The following SCOC variants were observed in gnomAD, a reference collection of about 807,000 sequenced individuals.
SCOC encodes the protein short coiled coil protein.
In SCOC, 7 loss-of-function variants were observed where a neutral mutation model predicts 9.9. That is an observed-to-expected ratio of 0.71 (90% CI 0.40 to 1.33). The LOEUF (loss-of-function observed/expected upper bound fraction) is 1.33. SCOC is among the 40% of genes most tolerant of loss of function. The pLI, the probability that SCOC is intolerant of heterozygous loss-of-function variation, is 0.01. For missense variants in SCOC, 66 were observed against 89.7 expected (o/e 0.74, Z 1.07); for synonymous variants, 19 against 28.2 (o/e 0.67, Z 1.03).
Position 140,379,587 on chromosome 4 carries a change from A to G in SCOC, c.41A>G (p.Gln14Arg). Residue 14 changes from glutamine (Q) to arginine (R), a missense_variant, in exon 3 of 4, where the codon CAA becomes CGA. Transcript: ENST00000608372. ...ATTACAGCAGTTGATGCTGAAAATC[A>G]AGTGGAACTGGAGGAAAAAACAAGA... ...ADMDAVDAEN[Q>R]VELEEKTRLI... is the part of the protein sequence containing the mutation. 1 of 1,612,322 alleles carries G rather than the reference A, an allele frequency of 6.2e-7. No individual in the cohort carries two copies. Among genetic ancestry groups the G allele is most frequent in the Non-Finnish European group, 8.5e-7 (1 of 1,179,162 alleles).
Position 140,379,159 on chromosome 4 carries a change from T to C in SCOC, c.-12T>C, listed in dbSNP as rs747009774. The C allele has an allele frequency of 6.2e-7, 1 of 1,610,744 alleles. No homozygotes were observed. The highest frequency in any genetic ancestry group is 8.5e-7 in the Non-Finnish European group (1 of 1,177,150). Reference sequence around the variant, plus strand: ...AATTTTGTATCCAAGGCCCAAAAGTTTGTTACCCAAGATGATGAATGCTGA... The same window carrying C: ...AATTTTGTATCCAAGGCCCAAAAGTCTGTTACCCAAGATGATGAATGCTGA... On this transcript the variant is annotated 5_prime_UTR_variant, in exon 2 of 4. Transcript: ENST00000608372.
chr4:140,308,986 A>G (rs1212369549), intron 1 of SCOC, among the ~76,000 whole-genome samples: 1 of 152,150 alleles, frequency 6.6e-6, no homozygotes, highest in African/African-American at 2.4e-5. Context: ...TCTAACTGGG[A>G]GGGCCATGAT....
intron 1 of SCOC, among the ~76,000 whole-genome samples, chr4:140,266,542 C>T (rs1483383047): frequency 6.6e-6 from 1 of 152,108 alleles, no homozygotes; most frequent in South Asian, 2.1e-4. Context: ...CTAATGCCAT[C>T]ACATTGGGGA....
chr4:140,298,517 C>T (rs558443301), intron 1 of SCOC, among the ~76,000 whole-genome samples: 109 of 152,278 alleles, frequency 7.2e-4, no homozygotes, highest in African/African-American at 2.5e-3. Context: ...GTAAGGAGGA[C>T]ATCTGTCATT....
At chr4:140,304,093 G>C (rs883455) in intron 1 of SCOC, among the ~76,000 whole-genome samples, 28,640 of 151,968 alleles carry the variant, frequency 0.19, 4,099 homozygotes, top group African/African-American at 0.38. Context: ...AGTGAAGAGT[G>C]GTGCTTAGGG....
At chr4:140,369,779 C>T (rs1291643976), upstream of SCOC, among the ~76,000 whole-genome samples, 1 of 148,890 alleles carries the variant, frequency 6.7e-6, no homozygotes, top group Non-Finnish European at 1.5e-5. Context: ...CATGAATGTT[C>T]ACCTTATAAT....
In SCOC at chr4:140,280,652, C is replaced by T. The variant is rs1731076893; in HGVS notation, c.-19+23242C>T. Among the ~76,000 whole-genome samples, 4 of 152,294 alleles carry T rather than the reference C, an allele frequency of 2.6e-5. No individual in the cohort carries two copies. The South Asian group carries it at 8.3e-4, about 32-fold the overall frequency. On this transcript the variant is annotated intron_variant, in intron 1 of 4. Coordinates refer to the SCOC transcript ENST00000394205. ...GGTAAGGCAGATGTTTGTCAAATGC[C>T]TGTGTTTTCATGGACTCCTAAAAAG...
chr4:140,373,530 G>C (rs551898787), upstream of SCOC: 1 of 1,551,734 alleles, frequency 6.4e-7, no homozygotes, highest in Non-Finnish European at 8.7e-7. Context: ...GGTGAGGCGG[G>C]CAGCTAATGC....
chr4:140,338,780 C>T (rs1331333005), upstream of SCOC, among the ~76,000 whole-genome samples: 1 of 151,852 alleles, frequency 6.6e-6, no homozygotes, highest in Non-Finnish European at 1.5e-5. Context: ...CTACAAACCA[C>T]TGCTCAATGA....
intron 1 of SCOC, among the ~76,000 whole-genome samples, chr4:140,260,643 A>G (rs1397734081): frequency 6.6e-6 from 1 of 152,198 alleles, no homozygotes; most frequent in African/African-American, 2.4e-5. Context: ...TAGTGTACTC[A>G]AATTTGCTGA....
chr4:140,294,852 T>G (rs11100604), intron 1 of SCOC, among the ~76,000 whole-genome samples: 45,236 of 152,142 alleles, frequency 0.3, 11,125 homozygotes, highest in African/African-American at 0.67. Flanking sequence ...AGTAGCTACT[T>G]GTCCATGCCC....
Position 140,279,782 on chromosome 4 carries a change from T to C in SCOC, c.-19+22372T>C, listed in dbSNP as rs192698347. On this transcript the variant is annotated intron_variant, in intron 1 of 4. Transcript: ENST00000394205. ...CAGTGCTTAAACAAGACAGAACTTA[T>C]ATTTTTTTCTCTCTCTCATTTTTCT... Among the ~76,000 whole-genome samples the C allele has an allele frequency of 3.9e-5, 6 of 152,280 alleles. No individual in the cohort carries two copies. The East Asian group carries it at 1.2e-3, about 29-fold the overall frequency.
intron 1 of SCOC, among the ~76,000 whole-genome samples, chr4:140,267,052 A>C (rs918023042): frequency 9.2e-5 from 14 of 152,174 alleles, no homozygotes; most frequent in Admixed American, 5.2e-4. Flanking sequence ...GAAAAGAGAA[A>C]AGGATAGAAT....
intron 1 of SCOC, among the ~76,000 whole-genome samples, chr4:140,288,291 T>A (rs984091334): frequency 3.3e-5 from 5 of 151,894 alleles, no homozygotes; most frequent in Non-Finnish European, 5.9e-5. Flanking sequence ...ATCATATAAA[T>A]ACATACCTCC....
chr4:140,339,965 G>T (rs1481268209), upstream of SCOC, among the ~76,000 whole-genome samples: 1 of 152,168 alleles, frequency 6.6e-6, no homozygotes, highest in East Asian at 1.9e-4. Context: ...ATACCCAAAG[G>T]ATTACAAATC....
intron 1 of SCOC, among the ~76,000 whole-genome samples, chr4:140,280,789 G>A (rs1176694420): frequency 1.3e-5 from 2 of 152,152 alleles, no homozygotes; most frequent in African/African-American, 2.4e-5. Flanking sequence ...TAGGAAATGT[G>A]TTTTTCTGAG....
chr4:140,273,137 C>T (rs181384047), intron 1 of SCOC, among the ~76,000 whole-genome samples: 11 of 152,246 alleles, frequency 7.2e-5, no homozygotes, highest in African/African-American at 2.6e-4. Flanking sequence ...CCCCACAGCT[C>T]CTTCCTGAGG....
rs1728655010 is a variant in SCOC, at chr4:140,384,728, G to GT, written c.*3627dup. On this transcript the variant is annotated 3_prime_UTR_variant, in exon 4 of 4. Coordinates refer to ENST00000608372, the MANE Select transcript of SCOC (RefSeq NM_001153484.2). ...ATGGTTTTTCCTTTAATACTTCCTA[G>GT]TTTACATGCTGGTAGAATAATGTTT... The GT allele has an allele frequency of 6.6e-6, 1 of 152,088 alleles. No individual in the cohort carries two copies. The highest frequency in any genetic ancestry group is 2.4e-5 in the African/African-American group (1 of 41,396). The allele number at this position is 152,088 out of a possible 1,614,324, so 9.4% of individuals were successfully genotyped here. A position where few individuals can be genotyped will look rare whatever the true frequency, so the allele number is the denominator to read the frequency against.
At chr4:140,276,664 G>A (rs2126409848) in intron 1 of SCOC, among the ~76,000 whole-genome samples, 1 of 150,262 alleles carries the variant, frequency 6.7e-6, no homozygotes, top group South Asian at 2.1e-4. Flanking sequence ...ACCATCTTGG[G>A]GAGGCTGGTC....
Sources: allele counts gnomAD v4.1 joint callset (sites outside exome capture counted in the v4.1 genomes callset), GRCh38; gene constraint gnomAD v4.1.1; transcripts MANE v1.5; gene names NCBI Gene and HGNC (gene_info 2026-07-23, HGNC 2026-07-21).